The following CIT variants were observed in gnomAD, a reference collection of about 807,000 sequenced individuals.
The protein encoded by CIT is citron rho-interacting serine/threonine kinase, also known as citron Rho-interacting kinase.
In CIT, 79 loss-of-function variants were observed where a neutral mutation model predicts 272.7. That is an observed-to-expected ratio of 0.29 (90% CI 0.24 to 0.35). The LOEUF is 0.35. CIT is among the 10% of genes least tolerant of loss of function. The pLI is 1.00. For missense variants in CIT, 1,909 were observed against 2,618.3 expected, an observed-to-expected ratio of 0.73 and a Z score of 5.91; for synonymous variants, 948 against 995.6, an observed-to-expected ratio of 0.95 and a Z score of 0.90.
intron 28 of CIT, among the ~76,000 whole-genome samples, chr12:119,721,979 T>C (rs892321950): frequency 6.6e-6 from 1 of 152,132 alleles, no homozygotes; most frequent in African/African-American, 2.4e-5. Flanking sequence ...AGTACATGAA[T>C]AACCACAATC....
intron 9 of CIT, among the ~76,000 whole-genome samples, chr12:119,813,675 C>T (rs1434019379): frequency 6.6e-6 from 1 of 152,160 alleles, no homozygotes; most frequent in Non-Finnish European, 1.5e-5. Context: ...TTCCCATCTT[C>T]CCCCAAAAAA....
At chr12:119,867,856 T>C (rs181332393) in intron 3 of CIT, among the ~76,000 whole-genome samples, 143 of 152,246 alleles carry the variant, frequency 9.4e-4, no homozygotes, top group Non-Finnish European at 1.7e-3. Context: ...GCAAGGCCAA[T>C]ATATGACTTC....
At chr12:119,779,853 T>C (rs1964122376) in intron 13 of CIT, among the ~76,000 whole-genome samples, 1 of 152,194 alleles carries the variant, frequency 6.6e-6, no homozygotes, top group Non-Finnish European at 1.5e-5. Context: ...TCCTTTGATA[T>C]TGTGCAGGAT....
chr12:119,825,327 A>G lies in CIT; in HGVS notation c.795T>C (p.Ala265=). The G allele has an allele frequency of 1.2e-6, 2 of 1,614,132 alleles. No individual in the cohort carries two copies. Among genetic ancestry groups the G allele is most frequent in the Non-Finnish European group, 1.7e-6 (2 of 1,180,024 alleles). Residue 265 remains alanine, a synonymous_variant, in exon 8 of 48, where the codon GCT becomes GCC. Coordinates refer to ENST00000392521, the MANE Select transcript of CIT (RefSeq NM_001206999.2). ...KLPIGTPDYM[A]PEVLTVMNGD... Reference sequence around the variant, plus strand: ...CGTTCATCACAGTCAGCACTTCAGGAGCCATGTAATCTGGGGTCCCAATCG... The same window carrying G: ...CGTTCATCACAGTCAGCACTTCAGGGGCCATGTAATCTGGGGTCCCAATCG...
At position 119,770,803 on chromosome 12, in the gene CIT, C is replaced by T. The variant is rs777311238; in HGVS notation, c.2190G>A (p.Gln730=). Residue 730 remains glutamine (Q), a synonymous_variant, in exon 18 of 48, where the codon CAG becomes CAA. Coordinates refer to ENST00000392521, the MANE Select transcript of CIT (RefSeq NM_001206999.2). This position sits in a 1 kb window ranked among gnomAD's most constrained non-coding sequence, Gnocchi z 4.4. ...TGCTCACCAGAATTTTATCAGCCATCTGCTGGATCTGTTGGGATTTTGTCT... is the reference window on the plus strand; with the variant it reads ...TGCTCACCAGAATTTTATCAGCCATTTGCTGGATCTGTTGGGATTTTGTCT... ...DIQTKSQQIQ[Q]MADKILELEE... 1 of 1,612,890 alleles carries T rather than the reference C, an allele frequency of 6.2e-7. No individual in the cohort carries two copies.
chr12:119,857,219 C>G (rs1950197028), intron 4 of CIT, among the ~76,000 whole-genome samples: 1 of 152,198 alleles, frequency 6.6e-6, no homozygotes. Flanking sequence ...CCTGAGTCCT[C>G]AGCTAATGGT....
At position 119,784,908 on chromosome 12, in the gene CIT, C is replaced by A; in HGVS notation, c.1401+52G>T. The A allele has an allele frequency of 6.2e-7, 1 of 1,601,732 alleles. No individual in the cohort carries two copies. The highest frequency in any genetic ancestry group is 8.5e-7 in the Non-Finnish European group (1 of 1,173,752). On this transcript the variant is annotated intron_variant, in intron 11 of 47. Transcript: ENST00000392521. This position sits in a 1 kb window ranked among gnomAD's most constrained non-coding sequence, Gnocchi z 4.7. Reference sequence around the variant, plus strand: ...CCCCGGGCGGATCCCTTGGCATATACGGACGGGAGGATCCTGGAGCAAGGA... The same window carrying A: ...CCCCGGGCGGATCCCTTGGCATATAAGGACGGGAGGATCCTGGAGCAAGGA...
At position 119,697,836 on chromosome 12, in the gene CIT, G is replaced by A; in HGVS notation, c.5705C>T (p.Thr1902Ile). The A allele has an allele frequency of 6.2e-7, 1 of 1,614,000 alleles. No homozygotes were observed. Among genetic ancestry groups the A allele is most frequent in the Non-Finnish European group, 8.5e-7 (1 of 1,179,950 alleles). Reference protein sequence around the residue: ...IEIQARSSAGTPARAYLDIPN... With the variant: ...IEIQARSSAGIPARAYLDIPN... ...GATGTCCAGGTACGCTCGGGCAGGGGTCCTGCAGAGTCCCAGAGTTCCAGT... is the reference window on the plus strand; with the variant it reads ...GATGTCCAGGTACGCTCGGGCAGGGATCCTGCAGAGTCCCAGAGTTCCAGT... The change falls in exon 46 of 48, where the codon ACC becomes ATC. Residue 1902 changes from threonine (T) to isoleucine (I), a missense_variant and splice_region_variant. By Grantham distance (89) the Thr-to-Ile change is moderately conservative. Transcript: ENST00000392521. This position sits in a 1 kb window ranked among gnomAD's most constrained non-coding sequence, Gnocchi z 4.9.
At chr12:119,757,249 T>C in intron 22 of CIT, 122 bp downstream of exon 22, 1 of 1,258,030 alleles carries the variant, frequency 7.9e-7, no homozygotes, top group Non-Finnish European at 1.1e-6. Flanking sequence ...GCCTCAAGTC[T>C]GCCCCCTTAA....
intron 7 of CIT, among the ~76,000 whole-genome samples, chr12:119,829,972 A>G (rs1968494154): frequency 6.6e-6 from 1 of 151,956 alleles, no homozygotes; most frequent in African/African-American, 2.4e-5. Context: ...TATATTTTAT[A>G]TGGTATACTA....
intron 46 of CIT, among the ~76,000 whole-genome samples, chr12:119,691,789 C>T (rs1034378834): frequency 3.9e-5 from 6 of 152,178 alleles, no homozygotes; most frequent in African/African-American, 1.2e-4. Context: ...ATGTGGCCTT[C>T]TGAGTCAATT....
chr12:119,721,251 G>C, intron 29 of CIT, 58 bp downstream of exon 29: 1 of 1,505,738 alleles, frequency 6.6e-7, no homozygotes, highest in South Asian at 1.3e-5. Context: ...ACAGGCATGA[G>C]CCACTGCGCC....
chr12:119,767,789 AT>A (rs1962623191), intron 18 of CIT, among the ~76,000 whole-genome samples: 1 of 152,218 alleles, frequency 6.6e-6, no homozygotes, highest in Non-Finnish European at 1.5e-5. Context: ...AGACAAACAT[AT>A]AATACACTGA....
intron 28 of CIT, among the ~76,000 whole-genome samples, chr12:119,725,168 A>G (rs924361060): frequency 6.6e-6 from 1 of 152,060 alleles, no homozygotes; most frequent in Non-Finnish European, 1.5e-5. Context: ...TCATGCTATA[A>G]TCCTAGCACA....
intron 9 of CIT, among the ~76,000 whole-genome samples, chr12:119,813,897 T>C (rs1359672438): frequency 6.6e-6 from 1 of 152,108 alleles, no homozygotes; most frequent in Non-Finnish European, 1.5e-5. Context: ...AAATTGGGTC[T>C]CCTCTGAGCA....
chr12:119,872,395 C>T (rs1950707416), intron 2 of CIT, among the ~76,000 whole-genome samples: 1 of 152,116 alleles, frequency 6.6e-6, no homozygotes, highest in South Asian at 2.1e-4. Flanking sequence ...GTCTAAGGTA[C>T]TCACCTGAAT....
chr12:119,813,722 ACT>A (rs1473530115), intron 9 of CIT, among the ~76,000 whole-genome samples: 5 of 152,174 alleles, frequency 3.3e-5, no homozygotes, highest in Admixed American at 6.5e-5. Context: ...GATTTACCAA[ACT>A]TGGATGTGGC....
chr12:119,724,544 G>A (rs931771706), intron 28 of CIT, among the ~76,000 whole-genome samples: 2 of 152,134 alleles, frequency 1.3e-5, no homozygotes, highest in African/African-American at 4.8e-5. Context: ...GAGGAGCGTT[G>A]GGGAAGGGAT....
chr12:119,700,926 C>G (rs1485247597), intron 43 of CIT, 101 bp from the exon 44 acceptor site: 9 of 936,066 alleles, frequency 9.6e-6, no homozygotes, highest in Non-Finnish European at 1.5e-5. Context: ...CCCAGGGACC[C>G]CTGGCCAGAT....
Sources: allele counts gnomAD v4.1 joint callset (sites outside exome capture counted in the v4.1 genomes callset), GRCh38; gene constraint gnomAD v4.1.1; non-coding constraint Gnocchi (gnomAD v3.1); transcripts MANE v1.5; gene names NCBI Gene and HGNC (gene_info 2026-07-23, HGNC 2026-07-21).